The following DSTN variants were observed in gnomAD, a reference collection of about 807,000 sequenced individuals.
DSTN encodes destrin.
In DSTN, 10 loss-of-function variants were observed where a neutral mutation model predicts 16.8. That is an observed-to-expected ratio of 0.60 (90% confidence interval 0.37 to 1.01). The LOEUF (loss-of-function observed/expected upper bound fraction) is 1.01. Ranked by LOEUF, DSTN falls within the 50% of genes least tolerant of loss-of-function variation. The pLI is 0.01. For missense variants in DSTN, 141 were observed against 196.7 expected (o/e 0.72, Z 1.69); for synonymous variants, 57 against 58.9 (o/e 0.97, Z 0.14).
chr20:17,585,874 A>G (rs2035401804), intron 1 of DSTN, among the ~76,000 whole-genome samples: 1 of 152,212 alleles, frequency 6.6e-6, no homozygotes, highest in Admixed American at 6.5e-5. Context: ...CTCAGCATAA[A>G]GCATTTGTGC....
chr20:17,581,970 T>G (rs2035350303), intron 1 of DSTN, among the ~76,000 whole-genome samples: 2 of 152,220 alleles, frequency 1.3e-5, no homozygotes, highest in African/African-American at 4.8e-5. Context: ...ATTCTCATTT[T>G]TTCAAGAAGT....
intron 1 of DSTN, among the ~76,000 whole-genome samples, chr20:17,596,344 C>T (rs1425022358): frequency 6.6e-6 from 1 of 152,126 alleles, no homozygotes; most frequent in Non-Finnish European, 1.5e-5. Flanking sequence ...TGAAGCCTTC[C>T]AACGAGATCC....
rs1213027010 is a variant in DSTN at position 17,609,444 on chromosome 20, GTAAAGCAAGA to G, written c.*2301_*2310del. 1 of 152,226 alleles carries G rather than the reference GTAAAGCAAGA, an allele frequency of 6.6e-6. No homozygotes were observed. Among genetic ancestry groups the G allele is most frequent in the Non-Finnish European group, 1.5e-5 (1 of 68,052 alleles). 9.4% of individuals were successfully genotyped at this position (152,226 alleles called of 1,614,324 possible). On this transcript the variant is annotated 3_prime_UTR_variant, in exon 4 of 4. Coordinates refer to ENST00000246069, the MANE Select transcript of DSTN (RefSeq NM_006870.4). ...CCGTACTCAAAAGTCAGCCATGTAG[GTAAAGCAAGA>G]TATTTGGTCAAGGAGTTTTAGAAGG...
intron 2 of DSTN, among the ~76,000 whole-genome samples, chr20:17,603,724 T>TA (rs2035611060): frequency 6.6e-6 from 1 of 152,244 alleles, no homozygotes; most frequent in African/African-American, 2.4e-5. Context: ...TCCAATGTTA[T>TA]AAATATAAAA....
intron 1 of DSTN, among the ~76,000 whole-genome samples, chr20:17,574,840 CTTTCTTTTCTT>C (rs201847601): frequency 0.076 from 6,987 of 91,344 alleles, 363 homozygotes; most frequent in East Asian, 0.22. Flanking sequence ...TTTCTTTTTT[CTTTCTTTTCTT>C]TTTCTTTTCT....
chr20:17,585,590 T>A (rs1397684745), intron 1 of DSTN, among the ~76,000 whole-genome samples: 1 of 152,172 alleles, frequency 6.6e-6, no homozygotes, highest in East Asian at 1.9e-4. Context: ...AAAGTGAAAT[T>A]CACCCTTTCT....
intron 1 of DSTN, among the ~76,000 whole-genome samples, chr20:17,583,625 A>T (rs1362744284): frequency 6.9e-6 from 1 of 143,956 alleles, no homozygotes; most frequent in Non-Finnish European, 1.5e-5. Flanking sequence ...ATTTATACAA[A>T]ATGTCCAGAA....
chr20:17,602,530 A>G (rs2035597501), intron 2 of DSTN, among the ~76,000 whole-genome samples: 1 of 152,226 alleles, frequency 6.6e-6, no homozygotes, highest in African/African-American at 2.4e-5. Context: ...ATAGAAGAAA[A>G]GGAAATTTAG....
chr20:17,597,918 A>G (rs981355612), intron 1 of DSTN, among the ~76,000 whole-genome samples: 3 of 152,188 alleles, frequency 2.0e-5, no homozygotes, highest in Non-Finnish European at 4.4e-5. Context: ...CCCAATTTGA[A>G]CATTGCATAT....
At chr20:17,592,478 C>A (rs1353570635) in intron 1 of DSTN, among the ~76,000 whole-genome samples, 1 of 150,330 alleles carries the variant, frequency 6.7e-6, no homozygotes, top group Non-Finnish European at 1.5e-5. Context: ...ATCTTTATTT[C>A]TTTTATCTCG....
intron 1 of DSTN, among the ~76,000 whole-genome samples, chr20:17,587,418 A>C (rs1178550759): frequency 6.6e-6 from 1 of 152,132 alleles, no homozygotes; most frequent in Non-Finnish European, 1.5e-5. Flanking sequence ...ATGTGCCACC[A>C]CACCTGGTTA....
rs201071241 is a variant in DSTN, at chr20:17,575,464, A to ATT, written c.3+5267_3+5268dup. ...TAAATAAGTAGAATATTGTGAAAGC[A>ATT]TTTTTTTTTTTTTTTGGAGACAGGG... On this transcript the variant is annotated intron_variant, in intron 1 of 3. Transcript: ENST00000246069. Among the ~76,000 whole-genome samples the ATT allele has an allele frequency of 1.1e-3, 157 of 141,936 alleles. 1 individual carries two copies. Among genetic ancestry groups the ATT allele is most frequent in the African/African-American group, 3.6e-3 (141 of 38,874 alleles). 93.1% of individuals were successfully genotyped at this position (141,936 alleles called of 152,430 possible).
chr20:17,604,768 C>A, intron 3 of DSTN, 137 bp downstream of exon 3: 2 of 791,800 alleles, frequency 2.5e-6, no homozygotes, highest in Non-Finnish European at 4.0e-6. Flanking sequence ...TTGAGAAAAG[C>A]AGAAGACTGA....
intron 2 of DSTN, among the ~76,000 whole-genome samples, chr20:17,603,089 T>G (rs1393322557): frequency 6.6e-6 from 1 of 152,186 alleles, no homozygotes; most frequent in Non-Finnish European, 1.5e-5. Context: ...TTGTGATGGC[T>G]CTGCCTCCTT....
chr20:17,570,136 G>A lies in DSTN; in HGVS notation c.-73G>A. The A allele has an allele frequency of 6.6e-7, 1 of 1,511,414 alleles. No homozygotes were observed. The highest frequency in any genetic ancestry group is 8.8e-7 in the Non-Finnish European group (1 of 1,134,280). The allele number at this position is 1,511,414 out of a possible 1,614,324, so 93.6% of individuals were successfully genotyped here. On this transcript the variant is annotated 5_prime_UTR_variant, in exon 1 of 4. The change creates a new upstream start codon in the 5' untranslated region. Transcript: ENST00000246069. ...CGCTGGGTCTCTCGGTCCCGCAGCC[G>A]TGAGGAGGACGGTCTGCATACTCGC...
intron 1 of DSTN, among the ~76,000 whole-genome samples, chr20:17,574,807 CTCCTT>C (rs1164894287): frequency 4.9e-5 from 7 of 141,814 alleles, no homozygotes; most frequent in South Asian, 2.4e-4. Context: ...TCTTTTCTTT[CTCCTT>C]TCCTTTCCTT....
At chr20:17,585,347 G>C (rs1362325882) in intron 1 of DSTN, among the ~76,000 whole-genome samples, 1 of 152,060 alleles carries the variant, frequency 6.6e-6, no homozygotes, top group Non-Finnish European at 1.5e-5. Context: ...AGAAAACTAG[G>C]TGTGACTGGG....
chr20:17,589,243 C>T (rs1238818445), intron 1 of DSTN, among the ~76,000 whole-genome samples: 2 of 151,046 alleles, frequency 1.3e-5, no homozygotes, highest in African/African-American at 2.4e-5. Context: ...GGCAGTCTTG[C>T]TGTGTCGCCC....
At chr20:17,604,774 A>G in intron 3 of DSTN, 143 bp downstream of exon 3, 2 of 753,286 alleles carry the variant, frequency 2.7e-6, no homozygotes, top group South Asian at 3.8e-5. Flanking sequence ...AAAGCAGAAG[A>G]CTGAATTTGA....
Sources: allele counts gnomAD v4.1 joint callset (sites outside exome capture counted in the v4.1 genomes callset), GRCh38; gene constraint gnomAD v4.1.1; transcripts MANE v1.5; gene names NCBI Gene and HGNC (gene_info 2026-07-23, HGNC 2026-07-21).